The following CFAP54 variants were observed in gnomAD, a reference collection of about 807,000 sequenced individuals.
CFAP54 encodes cilia- and flagella-associated protein 54.
In CFAP54, 290 loss-of-function variants were observed where a neutral mutation model predicts 370.4. The observed-to-expected ratio is 0.78, with a 90% CI of 0.71 to 0.86. The LOEUF is 0.86. CFAP54 is among the 40% of genes least tolerant of loss of function. The pLI is 0.00. For missense variants in CFAP54, 3,399 were observed against 3,528.7 expected (o/e 0.96, Z 0.93); for synonymous variants, 1,206 against 1,236.5 (o/e 0.98, Z 0.52).
intron 30 of CFAP54, 103 bp from the exon 31 acceptor site, chr12:96,629,990 A>G: frequency 2.0e-6 from 1 of 506,298 alleles, no homozygotes; most frequent in Non-Finnish European, 3.5e-6. Context: ...GCAGTTTTAG[A>G]TATTCTTGTA....
chr12:96,718,548 A>C, intron 49 of CFAP54, 26 bp downstream of exon 49: 1 of 1,412,624 alleles, frequency 7.1e-7, no homozygotes, highest in Non-Finnish European at 9.9e-7. Context: ...TTTTCAAACC[A>C]TTAAGTTAGT....
intron 26 of CFAP54, among the ~76,000 whole-genome samples, chr12:96,609,386 T>A (rs1361405229): frequency 6.6e-6 from 1 of 152,210 alleles, no homozygotes; most frequent in African/African-American, 2.4e-5. Flanking sequence ...TAACACTTAG[T>A]AACCTTTCCT....
At chr12:96,693,864 A>T in intron 45 of CFAP54, 56 bp downstream of exon 45, 2 of 1,148,548 alleles carry the variant, frequency 1.7e-6, no homozygotes, top group Non-Finnish European at 2.5e-6. Flanking sequence ...GGATATTGTC[A>T]TGTATTAATT....
At chr12:96,525,934 C>T (rs1334605947) in intron 8 of CFAP54, among the ~76,000 whole-genome samples, 1 of 152,162 alleles carries the variant, frequency 6.6e-6, no homozygotes, top group Non-Finnish European at 1.5e-5. Context: ...TGTGATCCAC[C>T]CGGCCTCCCA....
chr12:96,608,384 G>C (rs1592879404), intron 26 of CFAP54, among the ~76,000 whole-genome samples: 1 of 149,700 alleles, frequency 6.7e-6, no homozygotes, highest in Non-Finnish European at 1.5e-5. Flanking sequence ...ATATAAATAT[G>C]TCTCTCTATA....
At chr12:96,830,102 T>A (rs1394566852) in intron 66 of CFAP54, among the ~76,000 whole-genome samples, 1 of 152,200 alleles carries the variant, frequency 6.6e-6, no homozygotes, top group East Asian at 1.9e-4. Context: ...TATATACCAC[T>A]TTTCTTCATG....
At chr12:96,634,889 C>A (rs1307807569) in intron 32 of CFAP54, among the ~76,000 whole-genome samples, 1 of 152,176 alleles carries the variant, frequency 6.6e-6, no homozygotes, top group African/African-American at 2.4e-5. Context: ...ATCAGCTGGA[C>A]ATATTTGTGC....
intron 60 of CFAP54, among the ~76,000 whole-genome samples, chr12:96,767,962 G>A (rs1169682247): frequency 6.6e-6 from 1 of 152,086 alleles, no homozygotes; most frequent in Admixed American, 6.6e-5. Flanking sequence ...AAGGAAGCAG[G>A]TCTTACCTTC....
chr12:96,718,320 C>T, intron 48 of CFAP54, 123 bp from the exon 49 acceptor site: 1 of 597,514 alleles, frequency 1.7e-6, no homozygotes, highest in Non-Finnish European at 3.1e-6. Flanking sequence ...GATTGTGCCA[C>T]TGTGCTCCAG....
At chr12:96,504,841 A>G (rs1486549695) in intron 3 of CFAP54, among the ~76,000 whole-genome samples, 1 of 152,186 alleles carries the variant, frequency 6.6e-6, no homozygotes, top group Non-Finnish European at 1.5e-5. Context: ...GCACCCTGTT[A>G]GGGAAAAGGT....
rs201101076 is a variant in CFAP54, at chr12:96,577,986, TG to T, written c.2796+1228del. Among the ~76,000 whole-genome samples, 1,337 of 152,110 alleles carry T rather than the reference TG, an allele frequency of 8.8e-3. 11 individuals carry two copies. The highest frequency in any genetic ancestry group is 0.037 in the Middle Eastern group (11 of 294). On this transcript the variant is annotated intron_variant, in intron 20 of 67. Transcript: ENST00000524981. ...CTGAGGCAGGAGAATCGCTTGAACC[TG>T]GGAGGTGGAGGTTGCAGTGAGCCGA...
At chr12:96,803,168 T>C (rs913306843) in intron 63 of CFAP54, among the ~76,000 whole-genome samples, 2 of 152,196 alleles carry the variant, frequency 1.3e-5, no homozygotes, top group African/African-American at 2.4e-5. Flanking sequence ...AGTAGAATGA[T>C]TTATAATCCT....
chr12:96,701,895 G>A (rs1394393394), intron 46 of CFAP54, among the ~76,000 whole-genome samples: 1 of 152,096 alleles, frequency 6.6e-6, no homozygotes, highest in Non-Finnish European at 1.5e-5. Flanking sequence ...GAGAAGTGAC[G>A]TGATAGGAAT....
chr12:96,799,351 C>A (rs79171393), intron 63 of CFAP54, among the ~76,000 whole-genome samples: 1 of 152,144 alleles, frequency 6.6e-6, no homozygotes, highest in African/African-American at 2.4e-5. Flanking sequence ...ATAGTTTTGC[C>A]GTGTTCAGCA....
At position 96,674,747 on chromosome 12, in the gene CFAP54, T is replaced by G. The variant is rs533865401; in HGVS notation, c.5564-4853T>G. Reference sequence around the variant, plus strand: ...AAAATTTTCAGATTTTATTCTAGAATGTAAGCTTGGTGAGAATAGAGACTG... The same window carrying G: ...AAAATTTTCAGATTTTATTCTAGAAGGTAAGCTTGGTGAGAATAGAGACTG... On this transcript the variant is annotated intron_variant, in intron 39 of 67. Coordinates refer to ENST00000524981, the MANE Select transcript of CFAP54 (RefSeq NM_001306084.2). Among the ~76,000 whole-genome samples the G allele has an allele frequency of 6.6e-5, 10 of 152,346 alleles. No homozygotes were observed. The East Asian group carries it at 1.2e-3, about 18-fold the overall frequency.
rs986759405 is a variant in CFAP54, at chr12:96,725,041, G to C, written c.6965+4476G>C. On this transcript the variant is annotated intron_variant, in intron 50 of 67. Transcript: ENST00000524981. ...TTCTGTTCCATTGATCTATATCTCTGTTTTGGTACCACTACCATGCTGTTT... is the reference window on the plus strand; with the variant it reads ...TTCTGTTCCATTGATCTATATCTCTCTTTTGGTACCACTACCATGCTGTTT... Among the ~76,000 whole-genome samples, 20 of 152,260 alleles carry C rather than the reference G, an allele frequency of 1.3e-4. 1 individual carries two copies. In the East Asian group the frequency reaches 1.7e-3, roughly 13 times the overall value.
chr12:96,665,695 G>A lies in CFAP54; in HGVS notation c.5563+1763G>A, dbSNP rs557316912. Among the ~76,000 whole-genome samples the A allele has an allele frequency of 5.9e-5, 9 of 152,270 alleles. 1 individual carries two copies. The East Asian group carries it at 1.3e-3, about 23-fold the overall frequency. On this transcript the variant is annotated intron_variant, in intron 39 of 67. Transcript: ENST00000524981. ...TGGTGTACGTGTCTCTTTTGTACCA[G>A]CACCATGCTGTTTTGGTTACTGTAG...
chr12:96,844,766 G>A (rs1284064303), intron 66 of CFAP54, among the ~76,000 whole-genome samples: 1 of 152,108 alleles, frequency 6.6e-6, no homozygotes, highest in Non-Finnish European at 1.5e-5. Context: ...CACTCCCCCA[G>A]CTCCCAACTA....
intron 39 of CFAP54, among the ~76,000 whole-genome samples, chr12:96,674,345 T>TC (rs1957179977): frequency 6.6e-6 from 1 of 151,128 alleles, no homozygotes. Context: ...TCTTTTTTTT[T>TC]TTTTTTTGCT....
Sources: allele counts gnomAD v4.1 joint callset (sites outside exome capture counted in the v4.1 genomes callset), GRCh38; gene constraint gnomAD v4.1.1; transcripts MANE v1.5; gene names NCBI Gene and HGNC (gene_info 2026-07-23, HGNC 2026-07-21).